The following UVSSA variants were observed in gnomAD, a reference collection of about 807,000 sequenced individuals.
UVSSA encodes UV-stimulated scaffold protein A.
In UVSSA, 72 loss-of-function variants were observed where a neutral mutation model predicts 73.9. That is an observed-to-expected ratio of 0.97 (90% confidence interval 0.81 to 1.19). UVSSA has a LOEUF of 1.19. Among genes scored for constraint, UVSSA ranks in the 50% most tolerant of loss-of-function variants. The pLI is 0.00. For synonymous variants in UVSSA, 454 were observed against 391.3 expected (o/e 1.16, Z -1.89); for missense variants, 1,150 against 965.0 (o/e 1.19, Z -2.54).
chr4:1,382,705 C>G (rs1398527559), intron 12 of UVSSA, among the ~76,000 whole-genome samples: 1 of 152,224 alleles, frequency 6.6e-6, no homozygotes, highest in Non-Finnish European at 1.5e-5. Flanking sequence ...GTTCCTGTAT[C>G]TGAATTGTGG....
chr4:1,377,445 G>A (rs1004011195), intron 10 of UVSSA, among the ~76,000 whole-genome samples: 9 of 152,192 alleles, frequency 5.9e-5, no homozygotes, highest in African/African-American at 2.2e-4. Flanking sequence ...GGGACAGTGT[G>A]AGGAGGGAGG....
intron 8 of UVSSA, 149 bp from the exon 9 acceptor site, chr4:1,375,215 C>T (rs993327174): frequency 1.8e-5 from 24 of 1,314,126 alleles, no homozygotes; most frequent in African/African-American, 1.6e-4. Context: ...CACCCTCGCC[C>T]GTGAGGAGCA....
intron 5 of UVSSA, among the ~76,000 whole-genome samples, chr4:1,354,116 G>A (rs1277204878): frequency 6.6e-6 from 1 of 152,228 alleles, no homozygotes; most frequent in Non-Finnish European, 1.5e-5. Context: ...AGGCAGCCGG[G>A]CTGGGAAGCT....
At position 1,383,823 on chromosome 4, in the gene UVSSA, G is replaced by A. The variant is rs755471427; in HGVS notation, c.1919G>A (p.Gly640Asp). 2 of 1,613,662 alleles carry A rather than the reference G, an allele frequency of 1.2e-6. No homozygotes were observed. The highest frequency in any genetic ancestry group is 1.7e-6 in the Non-Finnish European group (2 of 1,180,016). ...GAAGCAGCCACAGGGCAGGATCTCG[G>A]CTCATCCAGGTACAGCGGGAAAGGC... ...DVEAATGQDL[G>D]SSRYSGKGRG... The change falls in exon 13 of 14, where the codon GGC becomes GAC. Residue 640 changes from glycine to aspartate, a missense_variant. Coordinates refer to ENST00000389851, the MANE Select transcript of UVSSA (RefSeq NM_020894.4).
rs576777365 is a variant in UVSSA, at chr4:1,376,849, G to C, written c.1568+681G>C. ...AGGACGGTTCTCCACACCCGGGAGAGGGTGGGGAGGACAGTGCCAAGGCTG... is the reference window on the plus strand; with the variant it reads ...AGGACGGTTCTCCACACCCGGGAGACGGTGGGGAGGACAGTGCCAAGGCTG... On this transcript the variant is annotated intron_variant, in intron 10 of 13. Transcript: ENST00000389851. Among the ~76,000 whole-genome samples the C allele has an allele frequency of 3.0e-3, 457 of 151,168 alleles. 5 individuals are homozygous for C. Among genetic ancestry groups the C allele is most frequent in the African/African-American group, 0.011 (435 of 40,486 alleles).
In UVSSA at chr4:1,380,100, T is replaced by G. The variant is rs575081647; in HGVS notation, c.1622T>G (p.Val541Gly). 5.0e-6 allele frequency: 8 copies of G among 1,612,468 alleles called. No homozygotes were observed. In the East Asian group the frequency reaches 1.8e-4, roughly 36 times the overall value. Residue 541 changes from valine (V) to glycine (G), a missense_variant, in exon 11 of 14, where the codon GTC (valine) becomes GGC (glycine). Coordinates refer to ENST00000389851, the MANE Select transcript of UVSSA (RefSeq NM_020894.4). ...CCCAGCGAGGTGGAGGAGGAAGTGG[T>G]CAATGCCGACATCTCCGAGATGCTC... ...WKPSEVEEEV[V>G]NADISEMLRS...
chr4:1,351,953 A>C, intron 4 of UVSSA, 118 bp downstream of exon 4: 1 of 1,473,120 alleles, frequency 6.8e-7, no homozygotes, highest in African/African-American at 1.4e-5. Flanking sequence ...GAGACAGGCT[A>C]GGTGGAGAGG....
At chr4:1,350,753 G>C (rs1031226659) in intron 3 of UVSSA, among the ~76,000 whole-genome samples, 61 of 141,390 alleles carry the variant, frequency 4.3e-4, no homozygotes, top group African/African-American at 1.7e-3. Context: ...AACACAGCAA[G>C]ACCGTTGTCT....
intron 12 of UVSSA, among the ~76,000 whole-genome samples, chr4:1,382,895 C>T (rs970488726): frequency 2.0e-5 from 3 of 152,196 alleles, no homozygotes; most frequent in Non-Finnish European, 2.9e-5. Context: ...TGGTGCCTGG[C>T]CCCCTTCTGT....
chr4:1,394,263 C>G (rs930664272), exon 14 of UVSSA: 3 of 756,870 alleles, frequency 4.0e-6, no homozygotes, highest in Non-Finnish European at 6.2e-6. Flanking sequence ...TTCCTCAGAT[C>G]TTCCTTTCAT....
chr4:1,382,450 C>T (rs181973607), intron 12 of UVSSA, among the ~76,000 whole-genome samples: 5 of 152,340 alleles, frequency 3.3e-5, no homozygotes, highest in Admixed American at 2.0e-4. Flanking sequence ...TGACAATGTG[C>T]GTGCTGCTGC....
chr4:1,376,779 C>G (rs1718823283), intron 10 of UVSSA, among the ~76,000 whole-genome samples: 1 of 152,228 alleles, frequency 6.6e-6, no homozygotes, highest in Admixed American at 6.5e-5. Context: ...CTGGCACGGC[C>G]TATCGGGGGA....
At chr4:1,370,793 C>T (rs1427231596) in intron 8 of UVSSA, among the ~76,000 whole-genome samples, 1 of 152,212 alleles carries the variant, frequency 6.6e-6, no homozygotes, top group East Asian at 1.9e-4. Flanking sequence ...GTCAGTGGCC[C>T]AAGTCAGAGG....
intron 7 of UVSSA, among the ~76,000 whole-genome samples, chr4:1,361,665 C>T (rs961498664): frequency 6.6e-6 from 1 of 152,208 alleles, no homozygotes; most frequent in African/African-American, 2.4e-5. Flanking sequence ...TTGGCCTGGC[C>T]GGGCAATTTG....
intron 12 of UVSSA, among the ~76,000 whole-genome samples, chr4:1,383,246 GA>G (rs1186689306): frequency 6.6e-6 from 1 of 152,200 alleles, no homozygotes; most frequent in Non-Finnish European, 1.5e-5. Context: ...TTGGATCAAC[GA>G]AAAAGAAAAG....
chr4:1,357,253 AG>A (rs1196390660), intron 7 of UVSSA, among the ~76,000 whole-genome samples: 1 of 151,888 alleles, frequency 6.6e-6, no homozygotes, highest in African/African-American at 2.4e-5. Flanking sequence ...GGGTCCACAG[AG>A]CAGAGGGGGG....
chr4:1,386,212 C>G lies in UVSSA; in HGVS notation c.*251C>G, dbSNP rs1268889049. On this transcript the variant is annotated 3_prime_UTR_variant, in exon 14 of 14. Coordinates refer to ENST00000389851, the MANE Select transcript of UVSSA (RefSeq NM_020894.4). ...GGAGATGTGAACACAGGCAGCGACCCTGTTCCAGAGGGCTTCTGCGAGTCC... is the reference window on the plus strand; with the variant it reads ...GGAGATGTGAACACAGGCAGCGACCGTGTTCCAGAGGGCTTCTGCGAGTCC... 2.1e-6 allele frequency: 1 copy of G among 481,534 alleles called. No individual in the cohort carries two copies. The highest frequency in any genetic ancestry group is 2.0e-5 in the African/African-American group (1 of 51,212). 29.8% of individuals were successfully genotyped at this position (481,534 alleles called of 1,614,324 possible).
chr4:1,385,797 G>A lies in UVSSA; in HGVS notation c.2037-71G>A, dbSNP rs1009846461. 69 of 1,537,284 alleles carry A rather than the reference G, an allele frequency of 4.5e-5. 1 individual carries two copies. The highest frequency in any genetic ancestry group is 3.4e-4 in the Middle Eastern group (2 of 5,866). On this transcript the variant is annotated intron_variant, in intron 13 of 13. Coordinates refer to ENST00000389851, the MANE Select transcript of UVSSA (RefSeq NM_020894.4). Reference sequence around the variant, plus strand: ...CCCAGGACCAGTGCCTAACTTTGGTGATGCCGCCACTGGGAGCCCAGGCCC... The same window carrying A: ...CCCAGGACCAGTGCCTAACTTTGGTAATGCCGCCACTGGGAGCCCAGGCCC...
chr4:1,354,685 G>T, intron 5 of UVSSA, 50 bp from the exon 6 acceptor site: 1 of 1,552,990 alleles, frequency 6.4e-7, no homozygotes, highest in South Asian at 1.1e-5. Context: ...CGGGGCCTGT[G>T]GGAGACGCCA....
Sources: allele counts gnomAD v4.1 joint callset (sites outside exome capture counted in the v4.1 genomes callset), GRCh38; gene constraint gnomAD v4.1.1; transcripts MANE v1.5; gene names NCBI Gene and HGNC (gene_info 2026-07-23, HGNC 2026-07-21).